The following ARHGEF18 variants were observed in gnomAD, a reference collection of about 807,000 sequenced individuals.
ARHGEF18 encodes rho guanine nucleotide exchange factor 18.
A neutral mutation model predicts 155.7 loss-of-function variants in ARHGEF18; 93 were observed. The observed-to-expected ratio is 0.60, with a 90% CI of 0.50 to 0.71. ARHGEF18 has a LOEUF of 0.71. Among genes scored for constraint, ARHGEF18 ranks in the 30% least tolerant of loss-of-function variants. The pLI, the probability that ARHGEF18 is intolerant of heterozygous loss-of-function variation, is 0.00. For missense variants in ARHGEF18, 1,593 were observed against 1,816.1 expected (o/e 0.88, Z 2.23); for synonymous variants, 742 against 753.1 (o/e 0.99, Z 0.24).
chr19:7,469,104 AG>A lies in ARHGEF18; in HGVS notation c.3764del (p.Gly1255AlafsTer13). ...TGGCAAGGACAAGGGCGGCAAGAGC[AG>A]GGGCTCTCAGCGCTGGGAGAGCTCA... Reference protein sequence around the residue: ...KGGKDKGGKSRGSQRWESSAS... With the variant: ...KGGKDKGGKSXGSQRWESSAS... On this transcript the variant is annotated frameshift_variant, in exon 27 of 29. Transcript: ENST00000668164. LOFTEE classifies it high-confidence loss of function. 1 of 1,606,070 alleles carries A rather than the reference AG, an allele frequency of 6.2e-7. No individual in the cohort carries two copies. The highest frequency in any genetic ancestry group is 8.5e-7 in the Non-Finnish European group (1 of 1,177,532).
chr19:7,467,305 G>T lies in ARHGEF18; in HGVS notation c.3101G>T (p.Gly1034Val). Residue 1034 changes from glycine (G) to valine (V), a missense_variant, in exon 26 of 29, where the codon GGG (glycine) becomes GTG (valine). Transcript: ENST00000668164. ...EKQFRLQSTR[G>V]NLLLEQERQR... is the part of the protein sequence containing the mutation. ...CAGTTCCGGCTGCAGTCGACGCGTG[G>T]GAACCTGCTGCTGGAGCAGGAGCGG... 1 of 1,541,642 alleles carries T rather than the reference G, an allele frequency of 6.5e-7. No homozygotes were observed.
Position 7,378,401 on chromosome 19 carries a change from A to G in ARHGEF18, c.549A>G (p.Glu183=). ...ATGGGGGGCTTCTTCCAGGCCTGGAACCTCCAGTGCTGGAGTGCATGGAAA... is the reference window on the plus strand; with the variant it reads ...ATGGGGGGCTTCTTCCAGGCCTGGAGCCTCCAGTGCTGGAGTGCATGGAAA... ...EVPTPPVQGL[E]PPVLECMEKD... The change falls in exon 6 of 29, where the codon GAA becomes GAG. Residue 183 remains glutamate (E), a synonymous_variant. Transcript: ENST00000668164. 8.1e-7 allele frequency: 1 copy of G among 1,234,242 alleles called. No homozygotes were observed. The highest frequency in any genetic ancestry group is 1.0e-6 in the Non-Finnish European group (1 of 988,252). The allele number at this position is 1,234,242 out of a possible 1,614,324, so 76.5% of individuals were successfully genotyped here.
chr19:7,455,468 A>G (rs1265697671), intron 17 of ARHGEF18, among the ~76,000 whole-genome samples: 3 of 152,244 alleles, frequency 2.0e-5, no homozygotes, highest in Non-Finnish European at 4.4e-5. Flanking sequence ...ATCTATGTGC[A>G]GGAAGCCTTA....
intron 22 of ARHGEF18, 97 bp from the exon 23 acceptor site, chr19:7,464,463 G>C: frequency 6.8e-7 from 1 of 1,474,284 alleles, no homozygotes; most frequent in Non-Finnish European, 9.1e-7. Flanking sequence ...GGCCTAGCCT[G>C]GGTTTCCTAC....
intron 10 of ARHGEF18, among the ~76,000 whole-genome samples, chr19:7,414,887 C>T (rs368911559): frequency 1.1e-4 from 16 of 152,078 alleles, no homozygotes; most frequent in East Asian, 9.7e-4. Context: ...CCCAGCTACT[C>T]GGGTGGCTGA....
At chr19:7,392,240 C>CAAAA (rs3997574) in intron 10 of ARHGEF18, among the ~76,000 whole-genome samples, 4 of 72,020 alleles carry the variant, frequency 5.6e-5, no homozygotes, top group African/African-American at 9.7e-5. Context: ...GACTCCGTCT[C>CAAAA]AAAAAAAAAA....
intron 2 of ARHGEF18, among the ~76,000 whole-genome samples, chr19:7,369,805 TAAAAG>T (rs1474024431): frequency 2.0e-5 from 3 of 150,144 alleles, no homozygotes; most frequent in African/African-American, 7.3e-5. Context: ...TCAAAAAAAT[TAAAAG>T]AAAGAAAGAA....
intron 10 of ARHGEF18, among the ~76,000 whole-genome samples, chr19:7,389,372 T>G (rs190230515): frequency 5.5e-4 from 80 of 145,740 alleles, no homozygotes; most frequent in African/African-American, 2.0e-3. Flanking sequence ...ATTGCCCAAG[T>G]TGGTCTTGAA....
chr19:7,439,572 T>TGG, intron 10 of ARHGEF18: 2 of 611,634 alleles, frequency 3.3e-6, no homozygotes, highest in Non-Finnish European at 4.2e-6. Flanking sequence ...TAGACAGCGG[T>TGG]TTGCAGCCCC....
At chr19:7,375,370 GAAGGAAGAAAGAAAAGGAAGGAAGGAAGA>G (rs1970405459) in intron 3 of ARHGEF18, among the ~76,000 whole-genome samples, 2 of 141,716 alleles carry the variant, frequency 1.4e-5, no homozygotes, top group Admixed American at 7.1e-5. Flanking sequence ...AGGAAGGAAG[GAAGGAAGAAAGAAAAGGAAGGAAGGAAGA>G]AAGGAAGGAA....
chr19:7,386,260 A>T (rs543013505), intron 10 of ARHGEF18, among the ~76,000 whole-genome samples: 4 of 148,146 alleles, frequency 2.7e-5, no homozygotes, highest in African/African-American at 9.8e-5. Flanking sequence ...AAGACAAAGG[A>T]AAAACATGAA....
chr19:7,433,777 T>C (rs2057422120), intron 10 of ARHGEF18, among the ~76,000 whole-genome samples: 1 of 151,780 alleles, frequency 6.6e-6, no homozygotes, highest in South Asian at 2.1e-4. Flanking sequence ...CCCAACACTT[T>C]GGAAGGCCGA....
chr19:7,381,695 A>T lies in ARHGEF18; in HGVS notation c.722+701A>T, dbSNP rs868135824. Among the ~76,000 whole-genome samples the T allele has an allele frequency of 3.3e-4, 38 of 114,732 alleles. No homozygotes were observed. In the South Asian group the frequency reaches 5.0e-3, roughly 15 times the overall value. 75.3% of individuals were successfully genotyped at this position (114,732 alleles called of 152,430 possible). A position where few individuals can be genotyped will look rare whatever the true frequency, so the allele number is the denominator to read the frequency against. ...TCCGTCTCAAAAATAAATAAATAATAAATAAATAAATAAATAAATAAATAA... is the reference window on the plus strand; with the variant it reads ...TCCGTCTCAAAAATAAATAAATAATTAATAAATAAATAAATAAATAAATAA... On this transcript the variant is annotated intron_variant, in intron 8 of 28. Transcript: ENST00000668164.
In ARHGEF18 at chr19:7,440,515, G is replaced by A. The variant is rs371300946; in HGVS notation, c.1106+33G>A. The A allele has an allele frequency of 1.5e-4, 233 of 1,568,532 alleles. No individual in the cohort carries two copies. Among genetic ancestry groups the A allele is most frequent in the Non-Finnish European group, 2.0e-4 (227 of 1,162,388 alleles). On this transcript the variant is annotated intron_variant, in intron 11 of 28. Transcript: ENST00000668164. This position sits in a 1 kb window ranked among gnomAD's most constrained non-coding sequence, Gnocchi z 5.4. ...AGGGTCCCCTCTGTGCCCTCGGGTGGGTGGTGGCATTCCCCGGGGAGCTGT... is the reference window on the plus strand; with the variant it reads ...AGGGTCCCCTCTGTGCCCTCGGGTGAGTGGTGGCATTCCCCGGGGAGCTGT...
chr19:7,431,679 C>T lies in ARHGEF18; in HGVS notation c.968-8665C>T, dbSNP rs1051366619. On this transcript the variant is annotated intron_variant, in intron 10 of 28. Transcript: ENST00000668164. The stretch of plus-strand genomic sequence containing the variant: ...AAAAATACAAAATTAGCGGGCGTGG[C>T]GGCGCATGCCTGTAATCCCAGCTAC... Among the ~76,000 whole-genome samples the T allele has an allele frequency of 2.6e-5, 4 of 152,006 alleles. No individual in the cohort carries two copies. In the East Asian group the frequency reaches 5.8e-4, roughly 22 times the overall value.
chr19:7,355,564 C>G (rs182648340), intron 1 of ARHGEF18: 29 of 960,386 alleles, frequency 3.0e-5, no homozygotes. Flanking sequence ...TACTGGCAGC[C>G]CCATCCTGGC....
At chr19:7,417,558 C>T (rs922641845) in intron 10 of ARHGEF18, among the ~76,000 whole-genome samples, 3 of 152,036 alleles carry the variant, frequency 2.0e-5, no homozygotes, top group Admixed American at 6.6e-5. Context: ...ATCAGCCAGA[C>T]GAGTGGCGCA....
At chr19:7,351,973 A>G (rs79338689) in intron 1 of ARHGEF18, among the ~76,000 whole-genome samples, 3,001 of 152,048 alleles carry the variant, frequency 0.02, 84 homozygotes, top group African/African-American at 0.067. Context: ...GGGATTACAG[A>G]TGTAAGCCAC....
rs1010739560 is a variant in ARHGEF18, at chr19:7,369,117, C to T, written c.16-3695C>T. Among the ~76,000 whole-genome samples the T allele has an allele frequency of 2.6e-5, 4 of 151,868 alleles. 1 individual carries two copies. The highest frequency in any genetic ancestry group is 2.6e-4 in the Admixed American group (4 of 15,226). On this transcript the variant is annotated intron_variant, in intron 2 of 28. Transcript: ENST00000668164. ...GGCCGAGGCGGGTGAATCATGAGGT[C>T]AGGAGTTCAAGAGCAGCCTGGCCAA... is the stretch of plus-strand genomic sequence containing the variant.
Sources: allele counts gnomAD v4.1 joint callset (sites outside exome capture counted in the v4.1 genomes callset), GRCh38; gene constraint gnomAD v4.1.1; non-coding constraint Gnocchi (gnomAD v3.1); transcripts MANE v1.5; gene names NCBI Gene and HGNC (gene_info 2026-07-23, HGNC 2026-07-21).